The following TAFA1 variants were observed in gnomAD, a reference collection of about 807,000 sequenced individuals.
The protein encoded by TAFA1 is chemokine-like protein TAFA-1.
A neutral mutation model predicts 18.5 loss-of-function variants in TAFA1; 4 were observed. The ratio of observed to expected loss-of-function variants is 0.22; its 90% confidence interval spans 0.11 to 0.49. The LOEUF (loss-of-function observed/expected upper bound fraction) is 0.49. Among genes scored for constraint, TAFA1 ranks in the 20% least tolerant of loss-of-function variants. The probability of loss-of-function intolerance (pLI) is 0.98; values close to 1 mark genes in which losing one functional copy is unlikely to be tolerated. For synonymous variants in TAFA1, 56 were observed against 55.2 expected, an observed-to-expected ratio of 1.01 and a Z score of -0.06; for missense variants, 147 against 169.0, an observed-to-expected ratio of 0.87 and a Z score of 0.72.
chr3:68,471,492 A>G (rs1472741099), intron 3 of TAFA1, among the ~76,000 whole-genome samples: 3 of 152,204 alleles, frequency 2.0e-5, no homozygotes, highest in Non-Finnish European at 2.9e-5. Flanking sequence ...GAGCTGCCCA[A>G]GGCCATGGGA....
At chr3:68,334,534 T>A (rs2068938090) in intron 2 of TAFA1, among the ~76,000 whole-genome samples, 1 of 152,154 alleles carries the variant, frequency 6.6e-6, no homozygotes, top group Non-Finnish European at 1.5e-5. Flanking sequence ...TCAATCTTAA[T>A]ACAAATCATG....
At chr3:68,068,198 ATAAGT>A (rs2106741716) in intron 2 of TAFA1, among the ~76,000 whole-genome samples, 1 of 152,340 alleles carries the variant, frequency 6.6e-6, no homozygotes, top group South Asian at 2.1e-4. Flanking sequence ...TAGATGAAAG[ATAAGT>A]TAAATAACTG....
chr3:68,331,897 T>A (rs1260246903), intron 2 of TAFA1, among the ~76,000 whole-genome samples: 2 of 126,716 alleles, frequency 1.6e-5, no homozygotes, highest in Non-Finnish European at 3.2e-5. Context: ...GGAGTCTCGC[T>A]CTTTCGCCCA....
intron 2 of TAFA1, among the ~76,000 whole-genome samples, chr3:68,126,851 T>C (rs1190886239): frequency 6.6e-6 from 1 of 152,196 alleles, no homozygotes; most frequent in African/African-American, 2.4e-5. Context: ...TTTCAATGTG[T>C]GGACACATAC....
At chr3:68,023,464 C>T (rs1002643410) in intron 2 of TAFA1, among the ~76,000 whole-genome samples, 6 of 152,108 alleles carry the variant, frequency 3.9e-5, no homozygotes, top group Admixed American at 6.6e-5. Context: ...TGGCTTAACC[C>T]GGTAGCAAGG....
At chr3:68,026,748 A>G (rs1249802535) in intron 2 of TAFA1, among the ~76,000 whole-genome samples, 1 of 152,140 alleles carries the variant, frequency 6.6e-6, no homozygotes, top group African/African-American at 2.4e-5. Flanking sequence ...ACTGTCCTGT[A>G]TGTTCACTTC....
At chr3:68,069,595 TCTTAA>T (rs1358321211) in intron 2 of TAFA1, among the ~76,000 whole-genome samples, 3 of 152,158 alleles carry the variant, frequency 2.0e-5, no homozygotes, top group African/African-American at 7.2e-5. Context: ...TCCCTCACAG[TCTTAA>T]CTTATTTCGG....
At chr3:68,071,327 A>G (rs1018203043) in intron 2 of TAFA1, among the ~76,000 whole-genome samples, 3 of 152,206 alleles carry the variant, frequency 2.0e-5, no homozygotes, top group Admixed American at 6.5e-5. Flanking sequence ...CTTTTTCACT[A>G]TCATGAGAAC....
intron 2 of TAFA1, among the ~76,000 whole-genome samples, chr3:68,409,127 CAT>C (rs1167630950): frequency 2.0e-5 from 3 of 152,174 alleles, no homozygotes; most frequent in African/African-American, 7.2e-5. Context: ...TACCCACACA[CAT>C]GTACATGTAC....
chr3:68,327,922 T>G (rs574530865), intron 2 of TAFA1, among the ~76,000 whole-genome samples: 1 of 152,294 alleles, frequency 6.6e-6, no homozygotes, highest in East Asian at 1.9e-4. Flanking sequence ...ACCCTTGAGT[T>G]CTTACTGTAG....
chr3:68,483,819 C>G (rs1360100733), intron 3 of TAFA1, among the ~76,000 whole-genome samples: 1 of 152,094 alleles, frequency 6.6e-6, no homozygotes, highest in Non-Finnish European at 1.5e-5. Flanking sequence ...AGGCAAAGGG[C>G]CAGTGTCACT....
At chr3:68,056,638 T>C (rs2064540269) in intron 2 of TAFA1, among the ~76,000 whole-genome samples, 1 of 151,982 alleles carries the variant, frequency 6.6e-6, no homozygotes, top group South Asian at 2.1e-4. Context: ...CTCCAGGAAA[T>C]AGGGCAAAAC....
At chr3:68,400,736 A>G (rs189758277) in intron 2 of TAFA1, among the ~76,000 whole-genome samples, 2 of 152,320 alleles carry the variant, frequency 1.3e-5, no homozygotes, top group Admixed American at 1.3e-4. Context: ...TATACATGGA[A>G]ATTACCTAAT....
intron 3 of TAFA1, among the ~76,000 whole-genome samples, chr3:68,512,712 G>GTTTT (rs2072868234): frequency 2.2e-5 from 3 of 137,678 alleles, no homozygotes; most frequent in Non-Finnish European, 5.0e-5. Context: ...TTGTTTGTTT[G>GTTTT]TTTGTTTGTT....
intron 2 of TAFA1, among the ~76,000 whole-genome samples, chr3:68,204,475 G>C (rs551188340): frequency 4.2e-5 from 6 of 144,334 alleles, no homozygotes; most frequent in Admixed American, 2.1e-4. Flanking sequence ...CTTCTTTGAT[G>C]ATGTGCTCAG....
At chr3:68,066,811 C>T (rs2064684159) in intron 2 of TAFA1, among the ~76,000 whole-genome samples, 1 of 152,072 alleles carries the variant, frequency 6.6e-6, no homozygotes, top group East Asian at 1.9e-4. Flanking sequence ...CTGCTGAATT[C>T]AGGACAGAGA....
At chr3:68,027,987 T>C (rs181451651) in intron 2 of TAFA1, among the ~76,000 whole-genome samples, 1 of 152,200 alleles carries the variant, frequency 6.6e-6, no homozygotes, top group African/African-American at 2.4e-5. Flanking sequence ...AACAAAAATA[T>C]TTGGAAAGAT....
At chr3:68,335,605 T>A (rs1337115049) in intron 2 of TAFA1, among the ~76,000 whole-genome samples, 6 of 152,170 alleles carry the variant, frequency 3.9e-5, no homozygotes, top group Admixed American at 3.9e-4. Flanking sequence ...TTGGAGAGGA[T>A]ATCCTATAAA....
chr3:68,415,305 T>C (rs1312585657), intron 2 of TAFA1, among the ~76,000 whole-genome samples: 2 of 152,162 alleles, frequency 1.3e-5, no homozygotes, highest in Non-Finnish European at 2.9e-5. Context: ...AGGAAACAAG[T>C]GACAACCTTG....
Sources: allele counts gnomAD v4.1 joint callset (sites outside exome capture counted in the v4.1 genomes callset), GRCh38; gene constraint gnomAD v4.1.1; transcripts MANE v1.5; gene names NCBI Gene and HGNC (gene_info 2026-07-23, HGNC 2026-07-21).